Variants in NRAP observed in about 807,000 individuals in gnomAD.
NRAP encodes nebulin-related-anchoring protein.
A neutral mutation model predicts 225.9 loss-of-function variants in NRAP; 189 were observed. The ratio of observed to expected loss-of-function variants is 0.84; its 90% confidence interval spans 0.74 to 0.94. The LOEUF (loss-of-function observed/expected upper bound fraction) is 0.94, where lower values mean the gene tolerates loss of function less well. Ranked by LOEUF, NRAP falls within the 40% of genes least tolerant of loss-of-function variation. The pLI, the probability that NRAP is intolerant of heterozygous loss-of-function variation, is 0.00. For missense variants in NRAP, 2,176 were observed against 2,168.7 expected, an observed-to-expected ratio of 1.00 and a Z score of -0.07; for synonymous variants, 769 against 790.7, an observed-to-expected ratio of 0.97 and a Z score of 0.46.
At position 113,588,795 on chromosome 10, in the gene NRAP, T is replaced by TATC; in HGVS notation, c.*177_*179dup. On this transcript the variant is annotated 3_prime_UTR_variant, in exon 42 of 42. Coordinates refer to ENST00000359988, the MANE Select transcript of NRAP (RefSeq NM_198060.4). Reference sequence around the variant, plus strand: ...ACAGAATCAGCCATCCACGTCTAGGTATCAGAGAGGACCACAAATACAACA... The same window carrying TATC: ...ACAGAATCAGCCATCCACGTCTAGGTATCATCAGAGAGGACCACAAATACAACA... 1.6e-6 allele frequency: 1 copy of TATC among 608,070 alleles called. No individual in the cohort carries two copies. Among genetic ancestry groups the TATC allele is most frequent in the Admixed American group, 2.9e-5 (1 of 33,900 alleles). 37.7% of individuals were successfully genotyped at this position (608,070 alleles called of 1,614,324 possible). A position where few individuals can be genotyped will look rare whatever the true frequency, so the allele number is the denominator to read the frequency against.
intron 14 of NRAP, among the ~76,000 whole-genome samples, chr10:113,635,539 C>T (rs555410780): frequency 1.8e-4 from 27 of 152,280 alleles, no homozygotes; most frequent in East Asian, 7.7e-4. Flanking sequence ...GTGATTCTCG[C>T]GCCTCAGCCT....
At chr10:113,649,277 A>G (rs571796822) in intron 9 of NRAP, among the ~76,000 whole-genome samples, 2 of 152,348 alleles carry the variant, frequency 1.3e-5, no homozygotes, top group South Asian at 2.1e-4. Context: ...TCTAAATCAT[A>G]TATGTTGTAG....
At position 113,639,237 on chromosome 10, in the gene NRAP, C is replaced by T. The variant is rs1304597094; in HGVS notation, c.1428+990G>A. ...GATCAATTCCTCAGCTTCCTTCCTC[C>T]TGTTTTATTACACATTTGGAAAGCC... On this transcript the variant is annotated intron_variant, in intron 14 of 41. Coordinates refer to ENST00000359988, the MANE Select transcript of NRAP (RefSeq NM_198060.4). Among the ~76,000 whole-genome samples, 13 of 152,192 alleles carry T rather than the reference C, an allele frequency of 8.5e-5. No homozygotes were observed. The South Asian group carries it at 2.7e-3, about 32-fold the overall frequency.
At position 113,612,410 on chromosome 10, in the gene NRAP, C is replaced by T. The variant is rs762311435; in HGVS notation, c.3322G>A (p.Glu1108Lys). 6.2e-7 allele frequency: 1 copy of T among 1,614,084 alleles called. No homozygotes were observed. The highest frequency in any genetic ancestry group is 2.2e-5 in the East Asian group (1 of 44,892). The change falls in exon 30 of 42, where the codon GAA becomes AAA. Residue 1108 changes from glutamate (E) to lysine (K), a missense_variant. Glu to Lys is a moderately conservative substitution (Grantham distance 56). This residue lies in a region of NRAP where 1,708 missense variants were observed against 1,695.5 expected (regional missense o/e 1.01). Transcript: ENST00000359988. The part of the protein sequence containing the change: ...QSDVNYKKGF[E>K]HSKAQFHLPL... ...AGATGGAACTGCGCCTTTGAGTGTT[C>T]AAAGCCTTTCTTGTAATTCACCTAG...
intron 21 of NRAP, among the ~76,000 whole-genome samples, chr10:113,625,263 C>G (rs186418808): frequency 1.3e-5 from 2 of 152,314 alleles, no homozygotes; most frequent in Non-Finnish European, 2.9e-5. Flanking sequence ...AAATACCCCA[C>G]CAGGGGGTTC....
intron 23 of NRAP, among the ~76,000 whole-genome samples, chr10:113,623,285 C>T (rs1030733726): frequency 3.9e-4 from 59 of 152,198 alleles, no homozygotes; most frequent in African/African-American, 1.4e-3. Context: ...TGGATTCTTA[C>T]TCTTGCTACT....
intron 29 of NRAP, among the ~76,000 whole-genome samples, chr10:113,612,743 ATCTT>A (rs1022214618): frequency 1.3e-4 from 20 of 152,296 alleles, no homozygotes; most frequent in African/African-American, 4.8e-4. Flanking sequence ...AAATCTTTAG[ATCTT>A]TCTATTTTTC....
chr10:113,660,051 AAC>A (rs142938392), intron 3 of NRAP, among the ~76,000 whole-genome samples: 26,721 of 144,104 alleles, frequency 0.19, 2,466 homozygotes, highest in South Asian at 0.26. Flanking sequence ...CTCAGTAGAC[AAC>A]ACACACACAC....
chr10:113,653,745 G>A (rs529268431), intron 5 of NRAP, among the ~76,000 whole-genome samples: 10 of 152,278 alleles, frequency 6.6e-5, no homozygotes, highest in East Asian at 5.8e-4. Context: ...GGTTCCTTCT[G>A]GAGGTTCTAG....
In NRAP at chr10:113,622,126, C is replaced by T. The variant is rs761080777; in HGVS notation, c.2512G>A (p.Asp838Asn). ...RSRGKLIGAK[D>N]VQGDSQMSHS... ...CTCATTTGCGAATCTCCCTGTACAT[C>T]TTTTGCCCCAATGAGCTTCCCTCTG... is the stretch of plus-strand genomic sequence containing the variant. Residue 838 changes from aspartate to asparagine, a missense_variant, in exon 24 of 42, where the codon GAT becomes AAT. Coordinates refer to ENST00000359988, the MANE Select transcript of NRAP (RefSeq NM_198060.4). 6.2e-7 allele frequency: 1 copy of T among 1,614,072 alleles called. No individual in the cohort carries two copies. Among genetic ancestry groups the T allele is most frequent in the South Asian group, 1.1e-5 (1 of 91,082 alleles).
At chr10:113,605,314 T>G (rs1846887584) in intron 34 of NRAP, among the ~76,000 whole-genome samples, 1 of 152,238 alleles carries the variant, frequency 6.6e-6, no homozygotes, top group Non-Finnish European at 1.5e-5. Flanking sequence ...GTCACCTTCA[T>G]GTCCCAAAGC....
At chr10:113,629,846 T>C in intron 18 of NRAP, 61 bp from the exon 19 acceptor site, 2 of 1,175,768 alleles carry the variant, frequency 1.7e-6, no homozygotes, top group South Asian at 1.2e-5. Flanking sequence ...GCAGGAGTGA[T>C]GTGAAAATGC....
chr10:113,613,008 A>T (rs767009002), intron 29 of NRAP, among the ~76,000 whole-genome samples: 2 of 152,138 alleles, frequency 1.3e-5, no homozygotes, highest in Non-Finnish European at 2.9e-5. Flanking sequence ...ATTCCAGACC[A>T]TAGATTCGAC....
At chr10:113,628,409 C>G (rs928639651) in intron 20 of NRAP, among the ~76,000 whole-genome samples, 1 of 152,060 alleles carries the variant, frequency 6.6e-6, no homozygotes. Flanking sequence ...AGGATGGTCT[C>G]GATCTCCTGA....
intron 23 of NRAP, among the ~76,000 whole-genome samples, chr10:113,622,690 C>G (rs1435861321): frequency 6.6e-6 from 1 of 152,182 alleles, no homozygotes; most frequent in East Asian, 1.9e-4. Context: ...GTGGTAGATT[C>G]CGGTTCTACT....
chr10:113,645,022 C>T (rs1203066860), intron 11 of NRAP, among the ~76,000 whole-genome samples: 4 of 152,234 alleles, frequency 2.6e-5, no homozygotes, highest in African/African-American at 4.8e-5. Context: ...ACAATAAAAA[C>T]GTCTTAAACG....
At chr10:113,611,762 C>A (rs1847336774) in intron 30 of NRAP, among the ~76,000 whole-genome samples, 1 of 152,116 alleles carries the variant, frequency 6.6e-6, no homozygotes, top group African/African-American at 2.4e-5. Context: ...CATGAAGCAC[C>A]AAGAGGAATC....
intron 4 of NRAP, among the ~76,000 whole-genome samples, chr10:113,655,429 G>A (rs1367039227): frequency 6.7e-6 from 1 of 150,038 alleles, no homozygotes; most frequent in Non-Finnish European, 1.5e-5. Flanking sequence ...TCTATCAATA[G>A]GATAGTATGG....
chr10:113,607,157 C>T (rs926193019), intron 32 of NRAP, among the ~76,000 whole-genome samples: 3 of 151,660 alleles, frequency 2.0e-5, no homozygotes, highest in Admixed American at 6.6e-5. Flanking sequence ...GCAAAGATCG[C>T]GCCACTGCAC....
Sources: allele counts gnomAD v4.1 joint callset (sites outside exome capture counted in the v4.1 genomes callset), GRCh38; gene constraint gnomAD v4.1.1; regional missense constraint gnomAD v4.1.1; transcripts MANE v1.5; gene names NCBI Gene and HGNC (gene_info 2026-07-23, HGNC 2026-07-21).